Variants in PRAG1 observed in about 807,000 individuals in gnomAD.
PRAG1 encodes the protein inactive tyrosine-protein kinase PRAG1.
PRAG1 carries 110 observed loss-of-function variants against 95.6 expected under a neutral mutation model. The ratio of observed to expected loss-of-function variants is 1.15; its 90% confidence interval spans 0.99 to 1.35. PRAG1 has a LOEUF of 1.35. Ranked by LOEUF, PRAG1 falls within the 40% of genes most tolerant of loss-of-function variation. PRAG1 has a pLI of 0.00. For synonymous variants in PRAG1, 1,052 were observed against 819.4 expected (o/e 1.28, Z -4.85); for missense variants, 2,554 against 1,864.7 (o/e 1.37, Z -6.81).
chr8:8,382,490 G>A (rs537849324), intron 1 of PRAG1, among the ~76,000 whole-genome samples: 7 of 152,260 alleles, frequency 4.6e-5, no homozygotes, highest in South Asian at 2.1e-4. Context: ...TTACTTGACC[G>A]TGTGCTGCTG....
chr8:8,350,274 G>A (rs1799480147), intron 3 of PRAG1, among the ~76,000 whole-genome samples: 1 of 152,198 alleles, frequency 6.6e-6, no homozygotes, highest in South Asian at 2.1e-4. Flanking sequence ...TGAGGCTGCA[G>A]ACAGGGAGAT....
chr8:8,376,176 G>A, intron 3 of PRAG1, 71 bp downstream of exon 3: 1 of 1,526,626 alleles, frequency 6.6e-7, no homozygotes, highest in Non-Finnish European at 8.8e-7. Context: ...AAGCTTTGAT[G>A]AGGGCAAAGG....
intron 1 of PRAG1, among the ~76,000 whole-genome samples, 166 bp downstream of exon 1, chr8:8,386,154 AC>A (rs1800841666): frequency 1.3e-5 from 2 of 152,038 alleles, no homozygotes; most frequent in African/African-American, 2.4e-5. Flanking sequence ...CACCTCGGGC[AC>A]CACCCGGGGC....
In PRAG1 at chr8:8,318,815, G is replaced by A; in HGVS notation, c.3560C>T (p.Pro1187Leu). ...AAPPCSSAAP[P>L]AGGTLSPAAG... The stretch of plus-strand genomic sequence containing the variant: ...TGCGGGGCTGAGAGTGCCACCAGCA[G>A]GCGGGGCGGCAGAGGAGCAGGGAGG... The change falls in exon 6 of 6, where the codon CCT (proline) becomes CTT (leucine). Residue 1187 changes from proline (P) to leucine (L), a missense_variant. Transcript: ENST00000615670. This position sits in a 1 kb window ranked among gnomAD's most constrained non-coding sequence, Gnocchi z 4.2. 7.2e-7 allele frequency: 1 copy of A among 1,389,892 alleles called. No homozygotes were observed. The highest frequency in any genetic ancestry group is 9.4e-7 in the Non-Finnish European group (1 of 1,061,318). The allele number at this position is 1,389,892 out of a possible 1,614,324, so 86.1% of individuals were successfully genotyped here. A position where few individuals can be genotyped will look rare whatever the true frequency, so the allele number is the denominator to read the frequency against.
At chr8:8,345,046 G>GGTGTGTGTGTGTGT (rs57329300) in intron 3 of PRAG1, among the ~76,000 whole-genome samples, 1,792 of 133,936 alleles carry the variant, frequency 0.013, 22 homozygotes, top group Middle Eastern at 0.025. Flanking sequence ...TTATCCGCAG[G>GGTGTGTGTGTGTGT]GTGTGTGTGT....
At chr8:8,380,056 A>G (rs1800579518) in intron 2 of PRAG1, among the ~76,000 whole-genome samples, 2 of 151,562 alleles carry the variant, frequency 1.3e-5, no homozygotes, top group Non-Finnish European at 2.9e-5. Context: ...GGAACTTAAG[A>G]CCAGCCTGGG....
chr8:8,376,724 G>C lies in PRAG1; in HGVS notation c.1685C>G (p.Ala562Gly). Residue 562 changes from alanine to glycine, a missense_variant, in exon 3 of 6, where the codon GCT (alanine) becomes GGT (glycine). Physicochemically the swap from Ala to Gly is moderately conservative, Grantham distance 60. Transcript: ENST00000615670. ...CAGCGGTGACACTGGGGGCCCTCCAGCAGACGGTGACACCGGGGACCCTAC... is the reference window on the plus strand; with the variant it reads ...CAGCGGTGACACTGGGGGCCCTCCACCAGACGGTGACACCGGGGACCCTAC... ...SPVGSPVSPS[A>G]GGPPVSPLAD... 4.3e-6 allele frequency: 7 copies of C among 1,610,234 alleles called. No homozygotes were observed. Among genetic ancestry groups the C allele is most frequent in the Non-Finnish European group, 5.9e-6 (7 of 1,179,974 alleles).
chr8:8,376,679 C>A lies in PRAG1; in HGVS notation c.1730G>T (p.Ser577Ile). The A allele has an allele frequency of 6.2e-7, 1 of 1,611,580 alleles. No individual in the cohort carries two copies. Among genetic ancestry groups the A allele is most frequent in the Non-Finnish European group, 8.5e-7 (1 of 1,179,760 alleles). Residue 577 changes from serine to isoleucine, a missense_variant, in exon 3 of 6, where the codon AGC (serine) becomes ATC (isoleucine). Physicochemically the swap from Ser to Ile is moderately radical, Grantham distance 142. Coordinates refer to ENST00000615670, the MANE Select transcript of PRAG1 (RefSeq NM_001080826.3). ...VSPLADLSDG[S>I]SGGSSIGPQP... Reference sequence around the variant, plus strand: ...GGGCCCAATGCTGCTGCCGCCAGAGCTCCCATCACTAAGGTCAGCCAGCGG... The same window carrying A: ...GGGCCCAATGCTGCTGCCGCCAGAGATCCCATCACTAAGGTCAGCCAGCGG...
chr8:8,327,746 G>C lies in PRAG1; in HGVS notation c.3036C>G (p.Thr1012=), dbSNP rs773919795. Residue 1012 remains threonine, a synonymous_variant, in exon 5 of 6, where the codon ACC becomes ACG. Transcript: ENST00000615670. The stretch of plus-strand genomic sequence containing the variant: ...AGGTGCTGCCGGGGTCCTCAGAGCA[G>C]GTGGCACAGTAATAAATGGCATCCC... The part of the protein sequence containing the change: ...DSGDAIYYCA[T]CSEDPGSTYA... 6.2e-7 allele frequency: 1 copy of C among 1,614,186 alleles called. No homozygotes were observed. Among genetic ancestry groups the C allele is most frequent in the Non-Finnish European group, 8.5e-7 (1 of 1,180,020 alleles).
chr8:8,367,893 A>C (rs899303060), intron 3 of PRAG1, among the ~76,000 whole-genome samples: 1 of 152,144 alleles, frequency 6.6e-6, no homozygotes, highest in Non-Finnish European at 1.5e-5. Flanking sequence ...CACCTGCCTC[A>C]GCCTCCCAAA....
rs144982634 is a variant in PRAG1 at position 8,328,760 on chromosome 8, G to A, written c.2321-299C>T. 1.1e-3 allele frequency among the ~76,000 whole-genome samples: 170 copies of A among 151,842 alleles called. 1 individual carries two copies. The highest frequency in any genetic ancestry group is 4.1e-3 in the African/African-American group (167 of 41,186). ...TCCCTCCAACAATCCAAACAAATGC[G>A]TGCCTGCACGCGTGCGCACACACAC... is the stretch of plus-strand genomic sequence containing the variant. On this transcript the variant is annotated intron_variant, in intron 4 of 5. Transcript: ENST00000615670.
At chr8:8,350,574 C>T (rs968972775) in intron 3 of PRAG1, among the ~76,000 whole-genome samples, 2 of 152,198 alleles carry the variant, frequency 1.3e-5, no homozygotes, top group African/African-American at 2.4e-5. Flanking sequence ...TATCCCAGGG[C>T]CCTCAGGAGC....
intron 1 of PRAG1, among the ~76,000 whole-genome samples, chr8:8,385,984 C>A (rs1422687314): frequency 6.6e-6 from 1 of 152,222 alleles, no homozygotes; most frequent in South Asian, 2.1e-4. Flanking sequence ...GCTTCAGCCT[C>A]CGGCCGCAGA....
intron 1 of PRAG1, among the ~76,000 whole-genome samples, chr8:8,385,342 T>C (rs1260059045): frequency 6.6e-6 from 1 of 152,182 alleles, no homozygotes; most frequent in Non-Finnish European, 1.5e-5. Flanking sequence ...ACCCAACTTT[T>C]CCTTTTCTTT....
Position 8,377,210 on chromosome 8 carries a change from G to C in PRAG1, c.1199C>G (p.Pro400Arg), listed in dbSNP as rs200036118. ...CTGTGTAGCCTCCCGGGGGTGGGCC[G>C]GGGGCTGGGGCTCCCCCGTCAGCCC... ...CLGLTGEPQP[P>R]AHPREATQPE... Residue 400 changes from proline to arginine, a missense_variant, in exon 3 of 6, where the codon CCG becomes CGG. Physicochemically the swap from Pro to Arg is moderately radical, Grantham distance 103 (BLOSUM62 -2). Coordinates refer to ENST00000615670, the MANE Select transcript of PRAG1 (RefSeq NM_001080826.3). 6.2e-6 allele frequency: 10 copies of C among 1,611,108 alleles called. No individual in the cohort carries two copies. The highest frequency in any genetic ancestry group is 1.7e-5 in the Admixed American group (1 of 59,884).
At chr8:8,335,360 G>C (rs1177088846) in intron 4 of PRAG1, among the ~76,000 whole-genome samples, 2 of 152,058 alleles carry the variant, frequency 1.3e-5, no homozygotes, top group Non-Finnish European at 2.9e-5. Context: ...CAGTCCTAGG[G>C]GTTCTCATTT....
chr8:8,383,846 G>C (rs920392364), intron 1 of PRAG1, among the ~76,000 whole-genome samples: 1 of 152,258 alleles, frequency 6.6e-6, no homozygotes, highest in Non-Finnish European at 1.5e-5. Context: ...TATAATCTCA[G>C]GCCACAGAGA....
intron 1 of PRAG1, among the ~76,000 whole-genome samples, chr8:8,384,549 G>A (rs1800787543): frequency 7.2e-6 from 1 of 138,878 alleles, no homozygotes; most frequent in Non-Finnish European, 1.5e-5. Context: ...TTGACTCACT[G>A]CATCCTGTTA....
intron 4 of PRAG1, among the ~76,000 whole-genome samples, chr8:8,330,039 C>T (rs1585224451): frequency 2.6e-5 from 4 of 152,170 alleles, no homozygotes; most frequent in South Asian, 4.1e-4. Flanking sequence ...GGTCCTTGCA[C>T]CAATATCCTC....
Sources: allele counts gnomAD v4.1 joint callset (sites outside exome capture counted in the v4.1 genomes callset), GRCh38; gene constraint gnomAD v4.1.1; non-coding constraint Gnocchi (gnomAD v3.1); transcripts MANE v1.5; gene names NCBI Gene and HGNC (gene_info 2026-07-23, HGNC 2026-07-21).